KLHL24: variants seen among roughly 807,000 people sequenced by gnomAD.
KLHL24 encodes the protein kelch-like protein 24.
KLHL24 carries 29 observed loss-of-function variants against 53.4 expected under a neutral mutation model. The observed-to-expected ratio is 0.54, with a 90% CI of 0.40 to 0.74. The LOEUF (loss-of-function observed/expected upper bound fraction) is 0.74. Among genes scored for constraint, KLHL24 ranks in the 30% least tolerant of loss-of-function variants. KLHL24 has a pLI of 0.00. For missense variants in KLHL24, 504 were observed against 744.0 expected (o/e 0.68, Z 3.75); for synonymous variants, 222 against 253.7 (o/e 0.88, Z 1.19).
intron 1 of KLHL24, among the ~76,000 whole-genome samples, chr3:183,642,139 G>C (rs1415804707): frequency 6.6e-6 from 1 of 152,184 alleles, no homozygotes; most frequent in African/African-American, 2.4e-5. Context: ...GTATTTGCCA[G>C]CCAGTGACAG....
chr3:183,648,497 C>G (rs564993747), intron 2 of KLHL24, among the ~76,000 whole-genome samples: 1 of 131,410 alleles, frequency 7.6e-6, no homozygotes. Context: ...TAGCTGACTT[C>G]TTTTTGCTTG....
chr3:183,683,799 T>C lies in KLHL24; in HGVS notation c.*4513T>C, dbSNP rs574252119. Reference sequence around the variant, plus strand: ...AGTTCTCTAGTGCTATTTCAACTTTTTTTTCAATCTAAATGAAGCTTACCT... The same window carrying C: ...AGTTCTCTAGTGCTATTTCAACTTTCTTTTCAATCTAAATGAAGCTTACCT... On this transcript the variant is annotated 3_prime_UTR_variant, in exon 8 of 8. Coordinates refer to ENST00000242810, the MANE Select transcript of KLHL24 (RefSeq NM_017644.3). The C allele has an allele frequency of 2.6e-5, 4 of 152,662 alleles. No individual in the cohort carries two copies. The highest frequency in any genetic ancestry group is 9.6e-5 in the African/African-American group (4 of 41,466). The allele number at this position is 152,662 out of a possible 1,614,324, so 9.5% of individuals were successfully genotyped here. A position where few individuals can be genotyped will look rare whatever the true frequency, so the allele number is the denominator to read the frequency against.
intron 1 of KLHL24, among the ~76,000 whole-genome samples, chr3:183,640,792 G>T (rs2108761089): frequency 6.6e-6 from 1 of 151,834 alleles, no homozygotes; most frequent in Non-Finnish European, 1.5e-5. Context: ...AGTAGAAACG[G>T]GGTTTCACTA....
chr3:183,679,315 A>G lies in KLHL24; in HGVS notation c.*29A>G. 1.9e-6 allele frequency: 3 copies of G among 1,569,486 alleles called. No individual in the cohort carries two copies. The highest frequency in any genetic ancestry group is 2.6e-6 in the Non-Finnish European group (3 of 1,140,186). ...CAGGATACCTCACCGAAGAAGCCACACTGATCCAAGATGGGAGGTTTTAAA... is the reference window on the plus strand; with the variant it reads ...CAGGATACCTCACCGAAGAAGCCACGCTGATCCAAGATGGGAGGTTTTAAA... On this transcript the variant is annotated 3_prime_UTR_variant, in exon 8 of 8. Coordinates refer to ENST00000242810, the MANE Select transcript of KLHL24 (RefSeq NM_017644.3).
chr3:183,651,387 A>G, intron 3 of KLHL24, 111 bp downstream of exon 3: 2 of 711,466 alleles, frequency 2.8e-6, no homozygotes, highest in Non-Finnish European at 4.6e-6. Flanking sequence ...CTGTGGCTGT[A>G]TATAATTTTA....
chr3:183,636,594 A>T (rs1367622475), intron 1 of KLHL24: 1 of 152,138 alleles, frequency 6.6e-6, no homozygotes, highest in African/African-American at 2.4e-5. Context: ...AGTTCTGGAC[A>T]CCCCGGGTGA....
chr3:183,647,393 C>T (rs1025571270), intron 2 of KLHL24, among the ~76,000 whole-genome samples: 44 of 150,940 alleles, frequency 2.9e-4, no homozygotes, highest in African/African-American at 9.2e-4. Flanking sequence ...TCCAGCCTGG[C>T]GACAGAGCGA....
At chr3:183,653,901 G>T (rs1339003065) in intron 3 of KLHL24, among the ~76,000 whole-genome samples, 3 of 152,074 alleles carry the variant, frequency 2.0e-5, no homozygotes, top group African/African-American at 7.2e-5. Flanking sequence ...TCTCCTGATT[G>T]CCACAACATG....
At chr3:183,670,392 T>G (rs1488949209) in intron 5 of KLHL24, among the ~76,000 whole-genome samples, 3 of 152,242 alleles carry the variant, frequency 2.0e-5, no homozygotes, top group Non-Finnish European at 4.4e-5. Flanking sequence ...TCTTACTGAT[T>G]GGTTCACCTG....
intron 1 of KLHL24, among the ~76,000 whole-genome samples, chr3:183,636,834 C>A (rs1715331439): frequency 6.6e-6 from 1 of 151,432 alleles, no homozygotes; most frequent in Admixed American, 6.6e-5. Flanking sequence ...GGGAGGCGCG[C>A]GCTCCCGCCC....
At chr3:183,674,404 A>G (rs1384111531) in intron 7 of KLHL24, among the ~76,000 whole-genome samples, 1 of 149,824 alleles carries the variant, frequency 6.7e-6, no homozygotes, top group African/African-American at 2.5e-5. Context: ...CTTGTCACCC[A>G]GGCTGAAGTG....
rs1712443891 is a variant in KLHL24 at position 183,679,314 on chromosome 3, C to T, written c.*28C>T. On this transcript the variant is annotated 3_prime_UTR_variant, in exon 8 of 8. Coordinates refer to ENST00000242810, the MANE Select transcript of KLHL24 (RefSeq NM_017644.3). ...ACAGGATACCTCACCGAAGAAGCCACACTGATCCAAGATGGGAGGTTTTAA... is the reference window on the plus strand; with the variant it reads ...ACAGGATACCTCACCGAAGAAGCCATACTGATCCAAGATGGGAGGTTTTAA... 1 of 1,569,248 alleles carries T rather than the reference C, an allele frequency of 6.4e-7. No individual in the cohort carries two copies. The highest frequency in any genetic ancestry group is 8.8e-7 in the Non-Finnish European group (1 of 1,139,912).
At chr3:183,640,404 C>G (rs1716195279) in intron 1 of KLHL24, among the ~76,000 whole-genome samples, 1 of 152,042 alleles carries the variant, frequency 6.6e-6, no homozygotes, top group Non-Finnish European at 1.5e-5. Flanking sequence ...TAGTCTGACA[C>G]ATTGTTTAAG....
intron 3 of KLHL24, among the ~76,000 whole-genome samples, chr3:183,656,374 G>A (rs1023474452): frequency 2.6e-5 from 4 of 151,670 alleles, no homozygotes; most frequent in African/African-American, 7.3e-5. Context: ...TTCTTCCTTC[G>A]GCCCTCTTCC....
chr3:183,678,833 C>T (rs1023113502), intron 7 of KLHL24, among the ~76,000 whole-genome samples: 4 of 152,138 alleles, frequency 2.6e-5, no homozygotes, highest in Admixed American at 2.6e-4. Context: ...ATCCACGTCC[C>T]TACAAAGGAC....
rs548595913 is a variant in KLHL24 at position 183,679,133 on chromosome 3, C to T, written c.1650C>T (p.Gly550=). The change falls in exon 8 of 8, where the codon GGC becomes GGT. Residue 550 remains glycine, a synonymous_variant. Coordinates refer to ENST00000242810, the MANE Select transcript of KLHL24 (RefSeq NM_017644.3). ...GTAATGGTAAAATATATATCCTGGGCGGAAGACGGGAAAATGGAGAAGCCA... is the reference window on the plus strand; with the variant it reads ...GTAATGGTAAAATATATATCCTGGGTGGAAGACGGGAAAATGGAGAAGCCA... ...SVCNGKIYIL[G]GRRENGEATD... 34 of 1,613,630 alleles carry T rather than the reference C, an allele frequency of 2.1e-5. No homozygotes were observed. The highest frequency in any genetic ancestry group is 5.3e-5 in the African/African-American group (4 of 74,944).
chr3:183,665,268 T>C (rs2108850369), intron 5 of KLHL24, among the ~76,000 whole-genome samples: 1 of 152,292 alleles, frequency 6.6e-6, no homozygotes, highest in South Asian at 2.1e-4. Flanking sequence ...ACATTTCTCT[T>C]CTCATGCATC....
intron 3 of KLHL24, among the ~76,000 whole-genome samples, chr3:183,659,964 G>T (rs955898283): frequency 3.3e-5 from 5 of 152,070 alleles, no homozygotes; most frequent in Non-Finnish European, 7.4e-5. Flanking sequence ...GGTGGTGGTG[G>T]TGTTTTTTTT....
At chr3:183,672,512 A>G in intron 7 of KLHL24, 28 bp downstream of exon 7, 2 of 1,484,984 alleles carry the variant, frequency 1.3e-6, no homozygotes, top group Non-Finnish European at 1.8e-6. Context: ...TACAAAAGAA[A>G]AATAAATCTA....
Sources: gnomAD v4.1 joint callset for allele counts (sites outside exome capture counted in the v4.1 genomes callset) on GRCh38, gnomAD v4.1.1 for gene constraint, MANE v1.5 for transcripts, NCBI Gene and HGNC (gene_info 2026-07-23, HGNC 2026-07-21) for gene names.